Variants in CNTN5 observed in about 807,000 individuals in gnomAD.
The protein encoded by CNTN5 is contactin-5.
CNTN5 carries 77 observed loss-of-function variants against 129.1 expected under a neutral mutation model. That is an observed-to-expected ratio of 0.60 (90% CI 0.50 to 0.72). The LOEUF (loss-of-function observed/expected upper bound fraction) is 0.72. Ranked by LOEUF, CNTN5 falls within the 30% of genes least tolerant of loss-of-function variation. The pLI is 0.00. For synonymous variants in CNTN5, 509 were observed against 465.6 expected, an observed-to-expected ratio of 1.09 and a Z score of -1.20; for missense variants, 1,478 against 1,328.8, an observed-to-expected ratio of 1.11 and a Z score of -1.75.
At chr11:100,198,333 G>C (rs777034298) in intron 15 of CNTN5, among the ~76,000 whole-genome samples, 1 of 151,822 alleles carries the variant, frequency 6.6e-6, no homozygotes, top group Non-Finnish European at 1.5e-5. Context: ...TGTCATTGTG[G>C]AGAAAAGCAA....
At chr11:99,948,770 T>C (rs1457079816) in intron 7 of CNTN5, among the ~76,000 whole-genome samples, 1 of 152,170 alleles carries the variant, frequency 6.6e-6, no homozygotes, top group Non-Finnish European at 1.5e-5. Flanking sequence ...GGTACACATT[T>C]ACTAGATTGT....
chr11:99,884,218 A>G (rs909326351), intron 6 of CNTN5, among the ~76,000 whole-genome samples: 5 of 152,206 alleles, frequency 3.3e-5, no homozygotes, highest in African/African-American at 7.2e-5. Flanking sequence ...ATCATCATTC[A>G]TAAAGGAAAA....
chr11:99,985,299 T>G (rs1373904686), intron 8 of CNTN5, among the ~76,000 whole-genome samples: 1 of 152,076 alleles, frequency 6.6e-6, no homozygotes, highest in African/African-American at 2.4e-5. Flanking sequence ...ATGGAAATGG[T>G]TCTCAGCAGA....
intron 21 of CNTN5, among the ~76,000 whole-genome samples, chr11:100,315,116 T>G (rs1373617190): frequency 6.6e-6 from 1 of 152,162 alleles, no homozygotes; most frequent in South Asian, 2.1e-4. Context: ...CTTTTGCTGA[T>G]AACTTGGTTT....
rs910352970 is a variant in CNTN5, at chr11:99,676,176, A to G, written c.55+119907A>G. ...TTATTGATTTTATTACATAATTTTC[A>G]TGCTAGACCATGAGTTCTTATTACT... On this transcript the variant is annotated intron_variant, in intron 3 of 24. Transcript: ENST00000524871. 3.9e-5 allele frequency among the ~76,000 whole-genome samples: 6 copies of G among 152,316 alleles called. No individual in the cohort carries two copies. In the East Asian group the frequency reaches 5.8e-4, roughly 15 times the overall value.
chr11:99,517,307 C>T (rs893939735), intron 2 of CNTN5, among the ~76,000 whole-genome samples: 1 of 152,034 alleles, frequency 6.6e-6, no homozygotes. Context: ...CCTTCATCAC[C>T]TCTTTCCTGG....
intron 2 of CNTN5, among the ~76,000 whole-genome samples, chr11:99,327,090 C>G (rs1865816562): frequency 6.6e-6 from 1 of 152,058 alleles, no homozygotes. Flanking sequence ...ATATCTGTGA[C>G]TACTAGAGAT....
chr11:100,256,344 T>C (rs1434030537), intron 17 of CNTN5, among the ~76,000 whole-genome samples: 1 of 152,198 alleles, frequency 6.6e-6, no homozygotes, highest in Non-Finnish European at 1.5e-5. Flanking sequence ...TATGCAATTG[T>C]TTTAGTGTGT....
chr11:99,275,954 C>G (rs1565456039), intron 1 of CNTN5, among the ~76,000 whole-genome samples: 1 of 148,346 alleles, frequency 6.7e-6, no homozygotes, highest in Non-Finnish European at 1.5e-5. Context: ...CATATTTGAA[C>G]AAAAAAAAAA....
chr11:99,971,036 A>G (rs536811385), intron 8 of CNTN5, among the ~76,000 whole-genome samples: 28 of 152,338 alleles, frequency 1.8e-4, no homozygotes, highest in African/African-American at 6.3e-4. Context: ...AATAAAGCCT[A>G]CCATATAATA....
chr11:99,887,059 A>G (rs1391433774), intron 6 of CNTN5, among the ~76,000 whole-genome samples: 1 of 152,208 alleles, frequency 6.6e-6, no homozygotes, highest in Non-Finnish European at 1.5e-5. Flanking sequence ...TAAGTTTTCC[A>G]TAACTCAGGA....
intron 3 of CNTN5, among the ~76,000 whole-genome samples, chr11:99,715,259 G>A (rs1056601758): frequency 6.6e-6 from 1 of 151,804 alleles, no homozygotes; most frequent in African/African-American, 2.4e-5. Flanking sequence ...TCTGTAGTGG[G>A]AGAACTTATT....
At chr11:99,999,860 A>G (rs1206447063) in intron 8 of CNTN5, among the ~76,000 whole-genome samples, 1 of 152,122 alleles carries the variant, frequency 6.6e-6, no homozygotes, top group Non-Finnish European at 1.5e-5. Context: ...CTTTGTAGGG[A>G]CATGGATGAA....
intron 7 of CNTN5, among the ~76,000 whole-genome samples, chr11:99,951,910 T>G (rs1370677125): frequency 2.0e-5 from 3 of 152,184 alleles, no homozygotes; most frequent in African/African-American, 7.2e-5. Flanking sequence ...TATAAATAGA[T>G]TATAGATACA....
At chr11:100,331,104 G>C (rs1217803193) in intron 21 of CNTN5, among the ~76,000 whole-genome samples, 1 of 152,040 alleles carries the variant, frequency 6.6e-6, no homozygotes, top group African/African-American at 2.4e-5. Flanking sequence ...AACACATGAG[G>C]ACTCATATAA....
At chr11:99,857,024 A>C (rs1306666397) in intron 6 of CNTN5, among the ~76,000 whole-genome samples, 138 of 112,632 alleles carry the variant, frequency 1.2e-3, no homozygotes, top group African/African-American at 2.0e-3. Flanking sequence ...CTCTCTATCT[A>C]TCTCTATCTC....
chr11:99,383,800 G>T (rs1349801761), intron 2 of CNTN5, among the ~76,000 whole-genome samples: 5 of 152,166 alleles, frequency 3.3e-5, no homozygotes, highest in African/African-American at 1.2e-4. Flanking sequence ...ATTATCTGAT[G>T]ATAATGACAC....
At chr11:99,946,997 T>TA (rs1950566826) in intron 7 of CNTN5, among the ~76,000 whole-genome samples, 1 of 151,792 alleles carries the variant, frequency 6.6e-6, no homozygotes, top group Non-Finnish European at 1.5e-5. Flanking sequence ...AATTAATATA[T>TA]AAGCATGATT....
chr11:99,190,720 T>A (rs1858595815), intron 1 of CNTN5, among the ~76,000 whole-genome samples: 1 of 151,704 alleles, frequency 6.6e-6, no homozygotes, highest in African/African-American at 2.4e-5. Context: ...ATGATACTGA[T>A]TTTTATATTT....
Sources: gnomAD v4.1 joint callset for allele counts (sites outside exome capture counted in the v4.1 genomes callset) on GRCh38, gnomAD v4.1.1 for gene constraint, MANE v1.5 for transcripts, NCBI Gene and HGNC (gene_info 2026-07-23, HGNC 2026-07-21) for gene names.